LTV1: variants seen among roughly 807,000 people sequenced by gnomAD.
LTV1 encodes the protein LTV1 ribosome biogenesis factor.
LTV1 carries 39 observed loss-of-function variants against 59.9 expected under a neutral mutation model. That is an observed-to-expected ratio of 0.65 (90% confidence interval 0.50 to 0.85). The LOEUF (loss-of-function observed/expected upper bound fraction) is 0.85. LTV1 is among the 40% of genes least tolerant of loss of function. The pLI, the probability that LTV1 is intolerant of heterozygous loss-of-function variation, is 0.00. For missense variants in LTV1, 493 were observed against 549.1 expected, an observed-to-expected ratio of 0.90 and a Z score of 1.02; for synonymous variants, 171 against 189.5, an observed-to-expected ratio of 0.90 and a Z score of 0.80.
Position 143,863,410 on chromosome 6 carries a change from A to T in LTV1, c.1318-7A>T. The stretch of plus-strand genomic sequence containing the variant: ...ATAATACAAGTATATTCTTGTACTT[A>T]TAACAGGAACGAAGAGTGGAGAAGA... On this transcript the variant is annotated splice_region_variant and splice_polypyrimidine_tract_variant and intron_variant, in intron 10 of 10. Transcript: ENST00000367576. This position sits in a 1 kb window ranked among gnomAD's most constrained non-coding sequence, Gnocchi z 4.5. 6.2e-7 allele frequency: 1 copy of T among 1,609,086 alleles called. No individual in the cohort carries two copies. The highest frequency in any genetic ancestry group is 8.5e-7 in the Non-Finnish European group (1 of 1,175,788).
rs763243218 is a variant in LTV1 at position 143,846,129 on chromosome 6, C to T, written c.214C>T (p.Leu72=). 2 of 1,614,218 alleles carry T rather than the reference C, an allele frequency of 1.2e-6. No homozygotes were observed. The highest frequency in any genetic ancestry group is 1.7e-6 in the Non-Finnish European group (2 of 1,180,032). ...TGACGACTATGACTACCTGCAGCAC[C>T]TGAAGGAACCATCTGGGCCTTCAGA... The part of the protein sequence containing the change: ...FDDDYDYLQH[L]KEPSGPSELI... The change falls in exon 3 of 11, where the codon CTG becomes TTG. Residue 72 remains leucine, a synonymous_variant. Transcript: ENST00000367576.
chr6:143,845,576 C>G (rs1776877521), intron 2 of LTV1, among the ~76,000 whole-genome samples: 1 of 152,098 alleles, frequency 6.6e-6, no homozygotes, highest in Admixed American at 6.5e-5. Flanking sequence ...CGAGGTCTCA[C>G]TATTTTGCCC....
At chr6:143,845,537 G>C (rs892763357) in intron 2 of LTV1, among the ~76,000 whole-genome samples, 28 of 152,010 alleles carry the variant, frequency 1.8e-4, no homozygotes, top group Admixed American at 3.3e-4. Flanking sequence ...CACCTGGCCT[G>C]GCTGATTTTT....
chr6:143,852,424 T>C (rs1449252942), intron 4 of LTV1, among the ~76,000 whole-genome samples: 2 of 152,132 alleles, frequency 1.3e-5, no homozygotes, highest in African/African-American at 4.8e-5. Context: ...GGGTTGTTTG[T>C]TTTTTTCTTG....
chr6:143,858,172 A>G (rs1391716178), intron 6 of LTV1, 165 bp downstream of exon 6: 1 of 674,160 alleles, frequency 1.5e-6, no homozygotes, highest in East Asian at 2.6e-5. Flanking sequence ...CATAAAGCAG[A>G]AGGGTATCAG....
chr6:143,862,831 T>C lies in LTV1; in HGVS notation c.1064-13T>C, dbSNP rs748523257. The C allele has an allele frequency of 1.3e-6, 2 of 1,496,244 alleles. No homozygotes were observed. Among genetic ancestry groups the C allele is most frequent in the South Asian group, 2.3e-5 (2 of 88,576 alleles). The allele number at this position is 1,496,244 out of a possible 1,614,324, so 92.7% of individuals were successfully genotyped here. A position where few individuals can be genotyped will look rare whatever the true frequency, so the allele number is the denominator to read the frequency against. On this transcript the variant is annotated splice_polypyrimidine_tract_variant and intron_variant, in intron 8 of 10. Transcript: ENST00000367576. This position sits in a 1 kb window ranked among gnomAD's most constrained non-coding sequence, Gnocchi z 4.2. ...CATGCTTACTGATACATGACTTTTATTTGTTTGTTTAGGTACATACTCAAA... is the reference window on the plus strand; with the variant it reads ...CATGCTTACTGATACATGACTTTTACTTGTTTGTTTAGGTACATACTCAAA...
rs79553482 is a variant in LTV1 at position 143,856,993 on chromosome 6, C to T, written c.398-310C>T. ...GGAGATCCGCTGCTCTCTTCAGAGC[C>T]GGCAGGCAGGAACGTTTGAGTCTGC... is the stretch of plus-strand genomic sequence containing the variant. On this transcript the variant is annotated intron_variant, in intron 4 of 10. Coordinates refer to ENST00000367576, the MANE Select transcript of LTV1 (RefSeq NM_032860.5). 3.9e-3 allele frequency among the ~76,000 whole-genome samples: 600 copies of T among 152,296 alleles called. 2 individuals are homozygous for T. The highest frequency in any genetic ancestry group is 0.011 in the African/African-American group (468 of 41,562).
chr6:143,844,365 A>G lies in LTV1; in HGVS notation c.4-121A>G, dbSNP rs1188470558. 3.9e-6 allele frequency: 4 copies of G among 1,033,288 alleles called. No individual in the cohort carries two copies. The Middle Eastern group carries it at 6.7e-4, about 174-fold the overall frequency. The allele number at this position is 1,033,288 out of a possible 1,614,324, so 64.0% of individuals were successfully genotyped here. On this transcript the variant is annotated intron_variant, in intron 1 of 10. Coordinates refer to ENST00000367576, the MANE Select transcript of LTV1 (RefSeq NM_032860.5). Reference sequence around the variant, plus strand: ...CACAGCTGATGTTGCCTGCCCTAGAAGTGTAGATTTTTAAAAAGTATCTTT... The same window carrying G: ...CACAGCTGATGTTGCCTGCCCTAGAGGTGTAGATTTTTAAAAAGTATCTTT...
At chr6:143,848,628 C>T (rs1254630247) in intron 3 of LTV1, among the ~76,000 whole-genome samples, 5 of 152,152 alleles carry the variant, frequency 3.3e-5, no homozygotes, top group Non-Finnish European at 5.9e-5. Context: ...CGGTTGTCCT[C>T]ACGTTATGAA....
rs1034807798 is a variant in LTV1 at position 143,843,341 on chromosome 6, A to C, written c.-137A>C. 2 of 1,065,564 alleles carry C rather than the reference A, an allele frequency of 1.9e-6. No homozygotes were observed. Among genetic ancestry groups the C allele is most frequent in the Non-Finnish European group, 2.9e-6 (2 of 697,478 alleles). The allele number at this position is 1,065,564 out of a possible 1,614,324, so 66.0% of individuals were successfully genotyped here. On this transcript the variant is annotated 5_prime_UTR_variant, in exon 1 of 11. Coordinates refer to ENST00000367576, the MANE Select transcript of LTV1 (RefSeq NM_032860.5). ...GTCCGTTTCCACGGCCGGCTGGGTGACGTTATCGCCGGGTCCTGGGGCTGC... is the reference window on the plus strand; with the variant it reads ...GTCCGTTTCCACGGCCGGCTGGGTGCCGTTATCGCCGGGTCCTGGGGCTGC...
chr6:143,846,296 G>A lies in LTV1; in HGVS notation c.309+72G>A, dbSNP rs572348931. 6 of 1,438,758 alleles carry A rather than the reference G, an allele frequency of 4.2e-6. No individual in the cohort carries two copies. In the South Asian group the frequency reaches 7.8e-5, roughly 19 times the overall value. The allele number at this position is 1,438,758 out of a possible 1,614,324, so 89.1% of individuals were successfully genotyped here. A position where few individuals can be genotyped will look rare whatever the true frequency, so the allele number is the denominator to read the frequency against. On this transcript the variant is annotated intron_variant, in intron 3 of 10. Coordinates refer to ENST00000367576, the MANE Select transcript of LTV1 (RefSeq NM_032860.5). Reference sequence around the variant, plus strand: ...ATTTTTGAATCAAGATATCTGTTTGGGGCAAGAAATGGTGTCCGTATGAAG... The same window carrying A: ...ATTTTTGAATCAAGATATCTGTTTGAGGCAAGAAATGGTGTCCGTATGAAG...
intron 4 of LTV1, 80 bp downstream of exon 4, chr6:143,850,298 C>A: frequency 9.4e-7 from 1 of 1,061,268 alleles, no homozygotes; most frequent in Non-Finnish European, 1.4e-6. Flanking sequence ...ATTTTTCTAT[C>A]CCCAGTAAAG....
At chr6:143,860,879 A>G (rs1178028876) in intron 7 of LTV1, among the ~76,000 whole-genome samples, 2 of 151,878 alleles carry the variant, frequency 1.3e-5, no homozygotes, top group Non-Finnish European at 2.9e-5. Context: ...TCATGGTAGA[A>G]TGTGTATTCG....
intron 4 of LTV1, among the ~76,000 whole-genome samples, chr6:143,852,481 T>C (rs984843058): frequency 1.3e-5 from 2 of 152,204 alleles, no homozygotes; most frequent in African/African-American, 4.8e-5. Flanking sequence ...CTTTGTCAGA[T>C]GGATTGATTG....
At position 143,843,402 on chromosome 6, in the gene LTV1, G is replaced by A. The variant is rs936735758; in HGVS notation, c.-76G>A. 2 of 1,594,158 alleles carry A rather than the reference G, an allele frequency of 1.3e-6. No homozygotes were observed. Among genetic ancestry groups the A allele is most frequent in the African/African-American group, 1.3e-5 (1 of 74,624 alleles). On this transcript the variant is annotated 5_prime_UTR_variant, in exon 1 of 11. Coordinates refer to ENST00000367576, the MANE Select transcript of LTV1 (RefSeq NM_032860.5). ...AGGCCTACAGAAGCGGCCTTCAGCT[G>A]GACCTTGGTCTCCCCGCCGGACTTC...
rs1776835138 is a variant in LTV1 at position 143,843,495 on chromosome 6, C to G, written c.3+15C>G. Reference sequence around the variant, plus strand: ...GCTGCAGCATGGTGAGCAAGCCTTGCTTGTTTCGGCGGCCGAGCGCTGTGG... The same window carrying G: ...GCTGCAGCATGGTGAGCAAGCCTTGGTTGTTTCGGCGGCCGAGCGCTGTGG... On this transcript the variant is annotated intron_variant, in intron 1 of 10. Transcript: ENST00000367576. 6.2e-7 allele frequency: 1 copy of G among 1,613,372 alleles called. No homozygotes were observed. The highest frequency in any genetic ancestry group is 8.5e-7 in the Non-Finnish European group (1 of 1,179,902).
chr6:143,846,674 T>G (rs1239590696), intron 3 of LTV1, among the ~76,000 whole-genome samples: 1 of 152,256 alleles, frequency 6.6e-6, no homozygotes, highest in Non-Finnish European at 1.5e-5. Context: ...CATTCCTGTC[T>G]TGTAAACAAA....
intron 4 of LTV1, among the ~76,000 whole-genome samples, chr6:143,854,965 C>A (rs1446064382): frequency 1.3e-5 from 2 of 152,068 alleles, no homozygotes; most frequent in African/African-American, 4.8e-5. Context: ...ATTAGGTCTG[C>A]TTGGTCCAGG....
rs1777053422 is a variant in LTV1 at position 143,855,147 on chromosome 6, A to G, written c.398-2156A>G. Among the ~76,000 whole-genome samples the G allele has an allele frequency of 6.6e-6, 1 of 152,112 alleles. No individual in the cohort carries two copies. Among genetic ancestry groups the G allele is most frequent in the Non-Finnish European group, 1.5e-5 (1 of 68,028 alleles). Reference sequence around the variant, plus strand: ...GGGTGCTCCTGTATTAGGTGCATATATATTTAGGGTAGTTAGCTCTTCTTG... The same window carrying G: ...GGGTGCTCCTGTATTAGGTGCATATGTATTTAGGGTAGTTAGCTCTTCTTG... On this transcript the variant is annotated intron_variant, in intron 4 of 10. Transcript: ENST00000367576. This position sits in a 1 kb window ranked among gnomAD's most constrained non-coding sequence, Gnocchi z 4.6.
Sources: allele counts gnomAD v4.1 joint callset (sites outside exome capture counted in the v4.1 genomes callset), GRCh38; gene constraint gnomAD v4.1.1; non-coding constraint Gnocchi (gnomAD v3.1); transcripts MANE v1.5; gene names NCBI Gene and HGNC (gene_info 2026-07-23, HGNC 2026-07-21).